STAG2: variants seen among roughly 807,000 people sequenced by gnomAD.
STAG2 encodes the protein STAG2 cohesin complex component, also known as cohesin subunit SA-2.
In STAG2, 14 loss-of-function variants were observed where a neutral mutation model predicts 108.1. The ratio of observed to expected loss-of-function variants is 0.13; its 90% CI spans 0.09 to 0.20. The LOEUF (loss-of-function observed/expected upper bound fraction) is 0.20. Among genes scored for constraint, STAG2 ranks in the 10% least tolerant of loss-of-function variants. The pLI, the probability that STAG2 is intolerant of heterozygous loss-of-function variation, is 1.00. For missense variants in STAG2, 440 were observed against 940.9 expected, an observed-to-expected ratio of 0.47 and a Z score of 6.96; for synonymous variants, 307 against 302.7, an observed-to-expected ratio of 1.01 and a Z score of -0.15.
At chrX:124,019,947 A>T (rs759090905) in intron 1 of STAG2, among the ~76,000 whole-genome samples, 6 of 112,191 alleles carry the variant, frequency 5.3e-5, no homozygotes, top group Admixed American at 9.5e-5. Flanking sequence ...GTCTGTCTCT[A>T]TTTTTTATAT....
intron 32 of STAG2, among the ~76,000 whole-genome samples, chrX:124,092,279 CTGGTTAATA>C (rs2059269257): frequency 9.0e-6 from 1 of 111,541 alleles, no homozygotes; most frequent in African/African-American, 3.3e-5. Flanking sequence ...GATTCTGATC[CTGGTTAATA>C]TGGTCATCAT....
intron 1 of STAG2, among the ~76,000 whole-genome samples, chrX:123,989,263 A>G (rs1602704985): frequency 1.8e-5 from 2 of 112,000 alleles, no homozygotes; most frequent in East Asian, 5.6e-4. Context: ...AAAATTTAGT[A>G]CAAAAGGGGT....
intron 13 of STAG2, among the ~76,000 whole-genome samples, chrX:124,052,411 G>A (rs187178737): frequency 3.6e-5 from 4 of 111,738 alleles, no homozygotes; most frequent in Admixed American, 1.9e-4. Context: ...TAGATATTTC[G>A]TATAAGTGGA....
chrX:124,050,659 T>G (rs2058011747), intron 11 of STAG2, among the ~76,000 whole-genome samples: 2 of 111,550 alleles, frequency 1.8e-5, no homozygotes, highest in South Asian at 7.5e-4. Context: ...TCAATTTTGA[T>G]CCTCTCTTTT....
At chrX:123,991,621 G>A (rs1249851612) in intron 1 of STAG2, among the ~76,000 whole-genome samples, 4 of 110,130 alleles carry the variant, frequency 3.6e-5, no homozygotes, top group Admixed American at 9.6e-5. Flanking sequence ...CCTAAGTGCT[G>A]GGATTACAGG....
At chrX:124,046,196 T>G (rs2057872344) in intron 8 of STAG2, among the ~76,000 whole-genome samples, 1 of 112,059 alleles carries the variant, frequency 8.9e-6, no homozygotes, top group Non-Finnish European at 1.9e-5. Flanking sequence ...TAAAAAAACT[T>G]TATATTCTCT....
Position 124,068,633 on chromosome X carries a change from G to A in STAG2, c.2335G>A (p.Val779Met). ...GATATGTCAACATTACCTGACCAAC[G>A]TGAATACTACTGTTAAGGAACAGGT... ...CQICQHYLTN[V>M]NTTVKEQAFT... Residue 779 changes from valine to methionine, a missense_variant, in exon 24 of 35, where the codon GTG (valine) becomes ATG (methionine). By Grantham distance (21) the Val-to-Met change is conservative. This residue lies in a region of STAG2 where 337 missense variants were observed against 649.3 expected (regional missense o/e 0.52). Coordinates refer to ENST00000371145, the MANE Select transcript of STAG2 (RefSeq NM_001042750.2). The A allele has an allele frequency of 1.7e-6, 2 of 1,183,667 alleles. No individual in the cohort carries two copies. Among genetic ancestry groups the A allele is most frequent in the Non-Finnish European group, 2.3e-6 (2 of 881,086 alleles).
At chrX:123,977,094 ACAT>A (rs758670762) in intron 1 of STAG2, among the ~76,000 whole-genome samples, 200 of 112,003 alleles carry the variant, frequency 1.8e-3, no homozygotes, top group Non-Finnish European at 3.3e-3. Flanking sequence ...TTTATAATAA[ACAT>A]CAAGTAGCAA....
chrX:123,978,505 A>G (rs1317525282), intron 1 of STAG2, among the ~76,000 whole-genome samples: 1 of 111,486 alleles, frequency 9.0e-6, no homozygotes, highest in Non-Finnish European at 1.9e-5. Context: ...TGTACTTTTA[A>G]GTCCTCTATT....
intron 17 of STAG2, 45 bp downstream of exon 17, chrX:124,061,919 C>CT: frequency 1.1e-6 from 1 of 951,156 alleles, no homozygotes; most frequent in Admixed American, 3.1e-5. Context: ...TCCATTTCTC[C>CT]TTTTTCAGTA....
At chrX:124,002,647 GAA>G (rs1244567588) in intron 1 of STAG2, among the ~76,000 whole-genome samples, 1 of 110,053 alleles carries the variant, frequency 9.1e-6, no homozygotes, top group Non-Finnish European at 1.9e-5. Flanking sequence ...TTTTTGAGAC[GAA>G]GTTTCACTCT....
intron 1 of STAG2, among the ~76,000 whole-genome samples, chrX:123,983,974 CTTTTTTTTTTTT>C (rs199881082): frequency 3.3e-5 from 2 of 61,478 alleles, no homozygotes; most frequent in Non-Finnish European, 5.5e-5. Context: ...CTTTTCTTTT[CTTTTTTTTTTTT>C]TTTTTTTTTG....
intron 29 of STAG2, among the ~76,000 whole-genome samples, chrX:124,085,985 C>T (rs1468476661): frequency 9.0e-6 from 1 of 110,668 alleles, no homozygotes; most frequent in East Asian, 2.8e-4. Context: ...ATAATTTAGC[C>T]TTATAGAACT....
intron 19 of STAG2, among the ~76,000 whole-genome samples, chrX:124,063,486 G>A (rs2058439835): frequency 9.0e-6 from 1 of 111,016 alleles, no homozygotes; most frequent in South Asian, 3.8e-4. Context: ...ATAACAATTA[G>A]ATGAGATTGG....
chrX:123,990,853 C>T (rs2055419791), intron 1 of STAG2, among the ~76,000 whole-genome samples: 1 of 111,789 alleles, frequency 8.9e-6, no homozygotes, highest in Admixed American at 9.5e-5. Flanking sequence ...GGCTGTTTGC[C>T]TAGATATTTC....
chrX:123,992,665 A>G (rs940949547), intron 1 of STAG2, among the ~76,000 whole-genome samples: 6 of 110,502 alleles, frequency 5.4e-5, no homozygotes, highest in Non-Finnish European at 9.5e-5. Context: ...CAACCTCCCA[A>G]GTAGCTGGGA....
intron 1 of STAG2, among the ~76,000 whole-genome samples, chrX:124,015,664 C>A (rs774948699): frequency 8.9e-6 from 1 of 112,055 alleles, no homozygotes; most frequent in Non-Finnish European, 1.9e-5. Context: ...GGAGCCACCA[C>A]ACCCGGCCGA....
At chrX:124,004,016 A>G (rs1214251875) in intron 1 of STAG2, among the ~76,000 whole-genome samples, 2 of 112,289 alleles carry the variant, frequency 1.8e-5, no homozygotes, top group Non-Finnish European at 3.8e-5. Context: ...ATACATTTGA[A>G]CCATTTTTAA....
chrX:124,028,822 A>ATATATATATTTTTTT (rs1296806013), intron 4 of STAG2, among the ~76,000 whole-genome samples: 22 of 38,968 alleles, frequency 5.6e-4, no homozygotes, highest in African/African-American at 2.3e-3. Context: ...ATATATATAT[A>ATATATATATTTTTTT]TTTTTTTTTT....
Sources: gnomAD v4.1 joint callset for allele counts (sites outside exome capture counted in the v4.1 genomes callset) on GRCh38, gnomAD v4.1.1 for gene constraint, gnomAD v4.1.1 regional missense constraint, MANE v1.5 for transcripts, NCBI Gene and HGNC (gene_info 2026-07-23, HGNC 2026-07-21) for gene names.